The following GABRA2 variants were observed in gnomAD, a reference collection of about 807,000 sequenced individuals.
GABRA2 encodes the protein gamma-aminobutyric acid type A receptor subunit alpha2.
A neutral mutation model predicts 48.7 loss-of-function variants in GABRA2; 16 were observed. That is an observed-to-expected ratio of 0.33 (90% CI 0.22 to 0.50). The LOEUF (loss-of-function observed/expected upper bound fraction) is 0.50. Ranked by LOEUF, GABRA2 falls within the 20% of genes least tolerant of loss-of-function variation. The pLI, the probability that GABRA2 is intolerant of heterozygous loss-of-function variation, is 0.98. For missense variants in GABRA2, 275 were observed against 535.6 expected, an observed-to-expected ratio of 0.51 and a Z score of 4.80; for synonymous variants, 185 against 184.5, an observed-to-expected ratio of 1.00 and a Z score of -0.02.
chr4:46,285,058 T>G (rs483160), intron 8 of GABRA2, among the ~76,000 whole-genome samples: 90,347 of 148,290 alleles, frequency 0.61, 28,046 homozygotes, highest in South Asian at 0.76. Flanking sequence ...TCAGAAAACA[T>G]TGAAGGATGA....
intron 8 of GABRA2, among the ~76,000 whole-genome samples, chr4:46,292,653 A>C (rs1723900065): frequency 6.6e-6 from 1 of 152,172 alleles, no homozygotes. Context: ...TTTAGCTGAA[A>C]TATAAGTTAA....
chr4:46,381,471 A>T (rs920795789), intron 3 of GABRA2, among the ~76,000 whole-genome samples: 2 of 152,196 alleles, frequency 1.3e-5, no homozygotes, highest in African/African-American at 4.8e-5. Context: ...ATGAAATAAG[A>T]CTACCAAATG....
chr4:46,306,912 T>G lies in GABRA2; in HGVS notation c.560-1201A>C, dbSNP rs1726797799. On this transcript the variant is annotated intron_variant, in intron 6 of 9. Transcript: ENST00000381620. ...AATAGAGTAAATGATTATGAGTTTG[T>G]GTTTTCTAATGACATACCTGGCATT... 3.3e-5 allele frequency among the ~76,000 whole-genome samples: 5 copies of G among 152,164 alleles called. No homozygotes were observed. The South Asian group carries it at 1.0e-3, about 32-fold the overall frequency.
chr4:46,349,596 A>G (rs1222404553), intron 3 of GABRA2, among the ~76,000 whole-genome samples: 1 of 151,882 alleles, frequency 6.6e-6, no homozygotes, highest in Admixed American at 6.6e-5. Flanking sequence ...ACAATCCAAT[A>G]TTTTTCTTCT....
chr4:46,277,212 G>A (rs1201142223), intron 8 of GABRA2, among the ~76,000 whole-genome samples: 1 of 152,010 alleles, frequency 6.6e-6, no homozygotes, highest in African/African-American at 2.4e-5. Flanking sequence ...AATTTTCCTT[G>A]CCATGGCTTA....
rs184141422 is a variant in GABRA2 at position 46,341,699 on chromosome 4, T to C, written c.188-9017A>G. On this transcript the variant is annotated intron_variant, in intron 3 of 9. Coordinates refer to ENST00000381620, the MANE Select transcript of GABRA2 (RefSeq NM_000807.4). ...CTGCTTTTGCAAAATCTGAAGGCCATCCAATTTGGAAGATTAAGGCCATTT... is the reference window on the plus strand; with the variant it reads ...CTGCTTTTGCAAAATCTGAAGGCCACCCAATTTGGAAGATTAAGGCCATTT... Among the ~76,000 whole-genome samples, 291 of 152,162 alleles carry C rather than the reference T, an allele frequency of 1.9e-3. 2 individuals are homozygous for C. The highest frequency in any genetic ancestry group is 6.3e-3 in the African/African-American group (261 of 41,538).
Position 46,296,666 on chromosome 4 carries a change from AAG to A in GABRA2, c.856+6792_856+6793del, listed in dbSNP as rs1553908424. 1.8e-3 allele frequency among the ~76,000 whole-genome samples: 265 copies of A among 151,400 alleles called. 3 individuals carry two copies. The highest frequency in any genetic ancestry group is 6.1e-3 in the African/African-American group (250 of 41,150). On this transcript the variant is annotated intron_variant, in intron 8 of 9. Transcript: ENST00000381620. ...TTACTCTATCAGGGGGAAAAAAAAA[AAG>A]AAAAAAAAAAACCTGCTGAGGTGCT...
chr4:46,339,855 C>T (rs924884310), intron 3 of GABRA2, among the ~76,000 whole-genome samples: 4 of 151,664 alleles, frequency 2.6e-5, no homozygotes, highest in Non-Finnish European at 5.9e-5. Context: ...TTCTGAATTT[C>T]TATTTGCAGT....
At chr4:46,352,801 T>A (rs1735354202) in intron 3 of GABRA2, among the ~76,000 whole-genome samples, 2 of 152,096 alleles carry the variant, frequency 1.3e-5, no homozygotes, top group African/African-American at 4.8e-5. Flanking sequence ...GCATCCATAT[T>A]GACTTTGGAG....
At chr4:46,302,037 A>G (rs1482715031) in intron 8 of GABRA2, among the ~76,000 whole-genome samples, 3 of 152,040 alleles carry the variant, frequency 2.0e-5, no homozygotes, top group African/African-American at 7.2e-5. Context: ...AAATAAACTC[A>G]TGGAATGAAT....
intron 5 of GABRA2, 42 bp from the exon 6 acceptor site, chr4:46,310,297 A>C: frequency 6.7e-7 from 1 of 1,495,106 alleles, no homozygotes; most frequent in East Asian, 2.3e-5. Context: ...TATATTGGTA[A>C]GTCAAGAAAA....
rs1553906974 is a variant in GABRA2, at chr4:46,291,776, C to CACATATATATATAT, written c.856+11683_856+11684insATATATATATATGT. 4.2e-4 allele frequency among the ~76,000 whole-genome samples: 61 copies of CACATATATATATAT among 144,804 alleles called. 1 individual carries two copies. Among genetic ancestry groups the CACATATATATATAT allele is most frequent in the African/African-American group, 1.5e-3 (58 of 39,104 alleles). 95.0% of individuals were successfully genotyped at this position (144,804 alleles called of 152,430 possible). A position where few individuals can be genotyped will look rare whatever the true frequency, so the allele number is the denominator to read the frequency against. ...AGTTAATACTATTAATAAACACACA[C>CACATATATATATAT]ATATATATATATATACATATACATA... On this transcript the variant is annotated intron_variant, in intron 8 of 9. Coordinates refer to ENST00000381620, the MANE Select transcript of GABRA2 (RefSeq NM_000807.4).
At chr4:46,304,923 C>CAAT (rs34860935) in intron 7 of GABRA2, among the ~76,000 whole-genome samples, 2 of 80,658 alleles carry the variant, frequency 2.5e-5, no homozygotes, top group East Asian at 7.5e-4. Flanking sequence ...GACTCTGTCT[C>CAAT]AAAAAAAAAA....
chr4:46,278,807 A>C (rs1447979155), intron 8 of GABRA2, among the ~76,000 whole-genome samples: 2 of 152,048 alleles, frequency 1.3e-5, no homozygotes, highest in Non-Finnish European at 2.9e-5. Context: ...AGGAAAAAGG[A>C]ATGTTCCAGA....
intron 8 of GABRA2, among the ~76,000 whole-genome samples, chr4:46,272,331 T>G (rs1354080735): frequency 6.6e-6 from 1 of 152,016 alleles, no homozygotes; most frequent in Non-Finnish European, 1.5e-5. Context: ...CATTTGTTTT[T>G]TAATAAATTA....
rs16859319 is a variant in GABRA2 at position 46,323,540 on chromosome 4, C to T, written c.255+9075G>A. Among the ~76,000 whole-genome samples the T allele has an allele frequency of 4.9e-3, 740 of 152,012 alleles. 7 individuals carry two copies. Among genetic ancestry groups the T allele is most frequent in the African/African-American group, 0.017 (697 of 41,492 alleles). ...ATGGACTATTTTCCTTAGCTGTCCTCTAATACCCTGTGAGCAATTTGAGGG... is the reference window on the plus strand; with the variant it reads ...ATGGACTATTTTCCTTAGCTGTCCTTTAATACCCTGTGAGCAATTTGAGGG... On this transcript the variant is annotated intron_variant, in intron 4 of 9. Transcript: ENST00000381620.
In GABRA2 at chr4:46,270,995, A is replaced by AT. The variant is rs34131068; in HGVS notation, c.857-8868_857-8867insA. Among the ~76,000 whole-genome samples the AT allele has an allele frequency of 1.2e-3, 42 of 35,862 alleles. No individual in the cohort carries two copies. In the South Asian group the frequency reaches 0.016, roughly 14 times the overall value. The allele number at this position is 35,862 out of a possible 152,430, so 23.5% of individuals were successfully genotyped here. A position where few individuals can be genotyped will look rare whatever the true frequency, so the allele number is the denominator to read the frequency against. On this transcript the variant is annotated intron_variant, in intron 8 of 9. Coordinates refer to ENST00000381620, the MANE Select transcript of GABRA2 (RefSeq NM_000807.4). ...ATGTAAAGCTGTGCCCCTACTATAT[A>AT]AAAAAAAAAAAATACTTCAATGCAT... is the stretch of plus-strand genomic sequence containing the variant.
At chr4:46,381,413 G>T (rs1336658357) in intron 3 of GABRA2, among the ~76,000 whole-genome samples, 1 of 152,128 alleles carries the variant, frequency 6.6e-6, no homozygotes, top group Non-Finnish European at 1.5e-5. Context: ...CTACAGTCTT[G>T]TTAGATAAGA....
chr4:46,270,139 C>A (rs566782702), intron 8 of GABRA2, among the ~76,000 whole-genome samples: 1 of 152,052 alleles, frequency 6.6e-6, no homozygotes, highest in East Asian at 1.9e-4. Context: ...AACATTACAG[C>A]AATTTTAATA....
Sources: allele counts gnomAD v4.1 joint callset (sites outside exome capture counted in the v4.1 genomes callset), GRCh38; gene constraint gnomAD v4.1.1; transcripts MANE v1.5; gene names NCBI Gene and HGNC (gene_info 2026-07-23, HGNC 2026-07-21).